SDSL: variants seen among roughly 807,000 people sequenced by gnomAD.
The protein encoded by SDSL is serine dehydratase like, also known as serine dehydratase-like.
SDSL carries 26 observed loss-of-function variants against 27.6 expected under a neutral mutation model. That is an observed-to-expected ratio of 0.94 (90% CI 0.69 to 1.31). The LOEUF (loss-of-function observed/expected upper bound fraction) is 1.31. SDSL is among the 50% of genes most tolerant of loss of function. SDSL has a pLI of 0.00. For synonymous variants in SDSL, 196 were observed against 180.6 expected, an observed-to-expected ratio of 1.09 and a Z score of -0.69; for missense variants, 431 against 423.5, an observed-to-expected ratio of 1.02 and a Z score of -0.16.
In SDSL at chr12:113,425,745, C is replaced by T. The variant is rs189059918; in HGVS notation, c.-21-2217C>T. On this transcript the variant is annotated intron_variant, in intron 1 of 7. Coordinates refer to ENST00000403593, the MANE Select transcript of SDSL (RefSeq NM_001304993.2). ...CGGTGGCTCACGGATGTAGTCCCAGCACTTCGGGAGGCCGAGGTGGGCAGA... is the reference window on the plus strand; with the variant it reads ...CGGTGGCTCACGGATGTAGTCCCAGTACTTCGGGAGGCCGAGGTGGGCAGA... 1.0e-4 allele frequency: 46 copies of T among 455,846 alleles called. 1 individual carries two copies. Among genetic ancestry groups the T allele is most frequent in the African/African-American group, 9.2e-4 (46 of 50,146 alleles). The allele number at this position is 455,846 out of a possible 1,614,324, so 28.2% of individuals were successfully genotyped here. A position where few individuals can be genotyped will look rare whatever the true frequency, so the allele number is the denominator to read the frequency against.
intron 5 of SDSL, among the ~76,000 whole-genome samples, chr12:113,434,490 C>G (rs562973290): frequency 3.7e-4 from 57 of 152,336 alleles, no homozygotes; most frequent in African/African-American, 1.4e-3. Flanking sequence ...TGCTTTGGGA[C>G]CAGGCACCAG....
At position 113,436,731 on chromosome 12, in the gene SDSL, C is replaced by T. The variant is rs939360757; in HGVS notation, c.672-20C>T. ...CCCTGAGCCCCTGGTCTCCCTGCCCCACCCTGCTCTATCCTGCAGTGTGGC... is the reference window on the plus strand; with the variant it reads ...CCCTGAGCCCCTGGTCTCCCTGCCCTACCCTGCTCTATCCTGCAGTGTGGC... On this transcript the variant is annotated intron_variant, in intron 6 of 7. Coordinates refer to ENST00000403593, the MANE Select transcript of SDSL (RefSeq NM_001304993.2). 1 of 1,575,068 alleles carries T rather than the reference C, an allele frequency of 6.3e-7. No individual in the cohort carries two copies. The highest frequency in any genetic ancestry group is 8.6e-7 in the Non-Finnish European group (1 of 1,166,248).
At chr12:113,423,743 AAAAC>A (rs962653666) in intron 1 of SDSL, among the ~76,000 whole-genome samples, 3 of 152,140 alleles carry the variant, frequency 2.0e-5, no homozygotes, top group African/African-American at 7.2e-5. Context: ...CCTTGTCTCT[AAAAC>A]AAACACCAAA....
chr12:113,425,611 C>A (rs929427758), intron 1 of SDSL: 67 of 439,570 alleles, frequency 1.5e-4, no homozygotes, highest in African/African-American at 1.3e-3. Context: ...CTTTTTTTTT[C>A]TCTACTATTT....
intron 5 of SDSL, among the ~76,000 whole-genome samples, 165 bp from the exon 6 acceptor site, chr12:113,435,164 C>A (rs1565880132): frequency 6.6e-6 from 1 of 152,100 alleles, no homozygotes; most frequent in East Asian, 1.9e-4. Flanking sequence ...GTAACTGTTG[C>A]AGGACTTCCT....
chr12:113,434,902 G>T (rs540046792), intron 5 of SDSL, among the ~76,000 whole-genome samples: 1 of 152,298 alleles, frequency 6.6e-6, no homozygotes, highest in Non-Finnish European at 1.5e-5. Context: ...ATCACCTGAG[G>T]TCAGGAGTTC....
At chr12:113,430,128 A>G (rs1957903064) in intron 4 of SDSL, among the ~76,000 whole-genome samples, 1 of 145,144 alleles carries the variant, frequency 6.9e-6, no homozygotes. Context: ...CCATCCATCC[A>G]TCCATCCATC....
At chr12:113,426,079 C>T (rs1593308614) in intron 1 of SDSL, 1 of 435,590 alleles carries the variant, frequency 2.3e-6, no homozygotes, top group East Asian at 7.1e-5. Context: ...AACAACCAAA[C>T]TCCTCTCCGT....
chr12:113,436,291 G>C (rs868639201), intron 6 of SDSL, among the ~76,000 whole-genome samples: 61 of 150,920 alleles, frequency 4.0e-4, no homozygotes, highest in Middle Eastern at 3.4e-3. Context: ...TGGTGGATGA[G>C]CATTTTTTTT....
Position 113,436,697 on chromosome 12 carries a change from C to T in SDSL, c.672-54C>T, listed in dbSNP as rs1170532515. On this transcript the variant is annotated intron_variant, in intron 6 of 7. Transcript: ENST00000403593. ...TGGGGCTGGGGAGAGACCTGTTTCA[C>T]CAGCTCTTCCCTGAGCCCCTGGTCT... 3.3e-6 allele frequency: 5 copies of T among 1,495,600 alleles called. No individual in the cohort carries two copies. The South Asian group carries it at 6.8e-5, about 20-fold the overall frequency. The allele number at this position is 1,495,600 out of a possible 1,614,324, so 92.6% of individuals were successfully genotyped here.
intron 4 of SDSL, among the ~76,000 whole-genome samples, chr12:113,432,286 TTCTTTC>T (rs993219185): frequency 7.9e-5 from 7 of 88,580 alleles, no homozygotes; most frequent in South Asian, 3.7e-4. Context: ...CTTTCTTTCT[TTCTTTC>T]TCTCTCTCTC....
Position 113,437,902 on chromosome 12 carries a change from G to C in SDSL, c.813G>C (p.Leu271=). The change falls in exon 8 of 8, where the codon CTG becomes CTC. Residue 271 remains leucine, a synonymous_variant. Transcript: ENST00000403593. ...TCCTGGCAGATGATGAGCGTATGCT[G>C]GTGGAGCCTGCCTGTGGGGCAGCCT... ...VQQLLDDERM[L]VEPACGAALA... is the part of the protein sequence containing the mutation. 9.3e-6 allele frequency: 15 copies of C among 1,609,238 alleles called. No homozygotes were observed. Among genetic ancestry groups the C allele is most frequent in the Non-Finnish European group, 1.3e-5 (15 of 1,178,120 alleles).
intron 1 of SDSL, chr12:113,425,633 C>A: frequency 4.4e-6 from 2 of 453,638 alleles, no homozygotes; most frequent in South Asian, 1.6e-5. Flanking sequence ...TCCTCCCTCT[C>A]ATTTCCTCCA....
At chr12:113,427,759 G>A (rs1957866493) in intron 1 of SDSL, among the ~76,000 whole-genome samples, 1 of 152,206 alleles carries the variant, frequency 6.6e-6, no homozygotes, top group African/African-American at 2.4e-5. Context: ...GGAATGAAAG[G>A]ACCCCAGGCC....
chr12:113,428,319 G>A, intron 2 of SDSL, 101 bp from the exon 3 acceptor site: 1 of 1,337,664 alleles, frequency 7.5e-7, no homozygotes. Flanking sequence ...GAGGGGTAAA[G>A]GCGTATTGGG....
In SDSL at chr12:113,435,334, G is replaced by A. The variant is rs879943780; in HGVS notation, c.449G>A (p.Gly150Asp). 2.0e-6 allele frequency: 3 copies of A among 1,517,180 alleles called. No individual in the cohort carries two copies. The highest frequency in any genetic ancestry group is 2.7e-6 in the Non-Finnish European group (3 of 1,130,374). The allele number at this position is 1,517,180 out of a possible 1,614,324, so 94.0% of individuals were successfully genotyped here. The stretch of plus-strand genomic sequence containing the variant: ...CTCTCACCCCCCCTCCCCAGGAAAG[G>A]CCACGCCAGCCTGGTGCAGGAGCTG... ...PPFDHPLIWK[G>D]HASLVQELKA... is the part of the protein sequence containing the mutation. Residue 150 changes from glycine to aspartate, a missense_variant, in exon 6 of 8, where the codon GGC (glycine) becomes GAC (aspartate). Physicochemically the swap from Gly to Asp is moderately conservative, Grantham distance 94. Coordinates refer to ENST00000403593, the MANE Select transcript of SDSL (RefSeq NM_001304993.2).
intron 4 of SDSL, among the ~76,000 whole-genome samples, chr12:113,431,367 G>A (rs1462242959): frequency 6.6e-6 from 1 of 152,216 alleles, no homozygotes; most frequent in Non-Finnish European, 1.5e-5. Flanking sequence ...GGCAATGCAG[G>A]AGAGGAGCCA....
chr12:113,428,062 C>T lies in SDSL; in HGVS notation c.80C>T (p.Ser27Phe), dbSNP rs151061253. Residue 27 changes from serine (S) to phenylalanine (F), a missense_variant, in exon 2 of 8, where the codon TCC becomes TTC. Coordinates refer to ENST00000403593, the MANE Select transcript of SDSL (RefSeq NM_001304993.2). ...VTPLLESWAL[S>F]QVAGMPVFLK... ...CCTCTGTTGGAGAGCTGGGCGCTGT[C>T]CCAGGTGGCGGGCATGCCTGTCTTC... 32 of 1,613,886 alleles carry T rather than the reference C, an allele frequency of 2.0e-5. 1 individual carries two copies. The Admixed American group carries it at 2.5e-4, about 13-fold the overall frequency.
In SDSL at chr12:113,436,756, C is replaced by T. The variant is rs758552965; in HGVS notation, c.677C>T (p.Ala226Val). The T allele has an allele frequency of 8.1e-6, 13 of 1,606,350 alleles. No homozygotes were observed. Among genetic ancestry groups the T allele is most frequent in the Non-Finnish European group, 1.1e-5 (13 of 1,178,438 alleles). ...LVTLPDITSV[A>V]KSLGAKTVAA... ...CACCCTGCTCTATCCTGCAGTGTGG[C>T]CAAGAGCCTGGGTGCCAAGACGGTG... The change falls in exon 7 of 8, where the codon GCC becomes GTC. Residue 226 changes from alanine to valine, a missense_variant. Ala to Val is a moderately conservative substitution (Grantham distance 64, BLOSUM62 0). Transcript: ENST00000403593.
Sources: gnomAD v4.1 joint callset for allele counts (sites outside exome capture counted in the v4.1 genomes callset) on GRCh38, gnomAD v4.1.1 for gene constraint, MANE v1.5 for transcripts, NCBI Gene and HGNC (gene_info 2026-07-23, HGNC 2026-07-21) for gene names.